RNF2: variants seen among roughly 807,000 people sequenced by gnomAD.
The protein encoded by RNF2 is E3 ubiquitin-protein ligase RING2.
In RNF2, 6 loss-of-function variants were observed where a neutral mutation model predicts 37.2. The observed-to-expected ratio is 0.16, with a 90% CI of 0.09 to 0.32. The LOEUF (loss-of-function observed/expected upper bound fraction) is 0.32. Among genes scored for constraint, RNF2 ranks in the 10% least tolerant of loss-of-function variants. The probability of loss-of-function intolerance (pLI) is 1.00; values close to 1 mark genes in which losing one functional copy is unlikely to be tolerated. For missense variants in RNF2, 251 were observed against 404.0 expected (o/e 0.62, Z 3.25); for synonymous variants, 133 against 132.7 (o/e 1.00, Z -0.02).
At chr1:185,078,009 G>A (rs1042945496) in intron 1 of RNF2, among the ~76,000 whole-genome samples, 1 of 152,330 alleles carries the variant, frequency 6.6e-6, no homozygotes, top group Non-Finnish European at 1.5e-5. Context: ...ACTTTGGGAG[G>A]CCAAGGCCAG....
At chr1:185,062,315 C>G (rs985627111) in intron 1 of RNF2, among the ~76,000 whole-genome samples, 9 of 152,112 alleles carry the variant, frequency 5.9e-5, no homozygotes, top group Admixed American at 1.3e-4. Flanking sequence ...GTGTATTAAG[C>G]TCATGTTTTA....
intron 1 of RNF2, among the ~76,000 whole-genome samples, chr1:185,073,521 T>C (rs1651049767): frequency 1.3e-5 from 2 of 152,218 alleles, no homozygotes; most frequent in Admixed American, 6.5e-5. Context: ...TTGGCATCTA[T>C]TTTTCAGATA....
At chr1:185,048,229 T>A (rs1311602235) in intron 1 of RNF2, among the ~76,000 whole-genome samples, 1 of 152,188 alleles carries the variant, frequency 6.6e-6, no homozygotes, top group Non-Finnish European at 1.5e-5. Context: ...TCCCTGACTA[T>A]AGGTGCTAAG....
At chr1:185,049,343 AGT>A (rs768929485) in intron 1 of RNF2, among the ~76,000 whole-genome samples, 2 of 152,170 alleles carry the variant, frequency 1.3e-5, no homozygotes, top group African/African-American at 2.4e-5. Flanking sequence ...AAAGGAGGTG[AGT>A]GTGTGTGTTT....
At chr1:185,076,270 T>G (rs1425376408) in intron 1 of RNF2, among the ~76,000 whole-genome samples, 63 of 25,210 alleles carry the variant, frequency 2.5e-3, no homozygotes, top group African/African-American at 0.013. Flanking sequence ...TATGGGTTGT[T>G]TTTTTTTTTT....
chr1:185,086,020 C>T (rs1651587362), intron 1 of RNF2, among the ~76,000 whole-genome samples: 1 of 152,128 alleles, frequency 6.6e-6, no homozygotes, highest in South Asian at 2.1e-4. Context: ...TTGCTTAGAA[C>T]CTGCTTTCTT....
chr1:185,062,593 A>G (rs1488511577), intron 1 of RNF2, among the ~76,000 whole-genome samples: 1 of 152,178 alleles, frequency 6.6e-6, no homozygotes, highest in African/African-American at 2.4e-5. Flanking sequence ...ATTTTAGAGT[A>G]TGGCTTCCAA....
rs1002721833 is a variant in RNF2 at position 185,101,758 on chromosome 1, G to A, written c.*1457G>A. ...GCTTGATGTTTTAAATCTTCAGCCC[G>A]GTATGAAAACTTAAAGGTATATATT... On this transcript the variant is annotated 3_prime_UTR_variant, in exon 7 of 7. Coordinates refer to ENST00000367510, the MANE Select transcript of RNF2 (RefSeq NM_007212.4). 2.6e-5 allele frequency: 4 copies of A among 151,026 alleles called. No individual in the cohort carries two copies. The highest frequency in any genetic ancestry group is 7.3e-5 in the African/African-American group (3 of 40,948). The allele number at this position is 151,026 out of a possible 1,614,324, so 9.4% of individuals were successfully genotyped here. A position where few individuals can be genotyped will look rare whatever the true frequency, so the allele number is the denominator to read the frequency against.
At chr1:185,096,765 T>TA (rs1478507570) in intron 4 of RNF2, among the ~76,000 whole-genome samples, 4 of 152,100 alleles carry the variant, frequency 2.6e-5, no homozygotes, top group African/African-American at 9.7e-5. Context: ...TTTTGAATCA[T>TA]AGTTTGTTAT....
chr1:185,070,155 A>C (rs919266945), intron 1 of RNF2, among the ~76,000 whole-genome samples: 1 of 152,222 alleles, frequency 6.6e-6, no homozygotes, highest in Non-Finnish European at 1.5e-5. Context: ...AGATGATATC[A>C]CCTAGTTTAT....
chr1:185,059,246 G>A (rs527908197), intron 1 of RNF2, among the ~76,000 whole-genome samples: 6 of 150,754 alleles, frequency 4.0e-5, no homozygotes, highest in South Asian at 2.1e-4. Context: ...AAAAACCTCC[G>A]TAATAGTTTT....
At chr1:185,050,354 C>T (rs1650238060) in intron 1 of RNF2, among the ~76,000 whole-genome samples, 1 of 152,236 alleles carries the variant, frequency 6.6e-6, no homozygotes, top group Non-Finnish European at 1.5e-5. Context: ...TCTTCTCTGC[C>T]TACCTAACTT....
intron 1 of RNF2, among the ~76,000 whole-genome samples, chr1:185,076,762 GTT>G (rs1420847793): frequency 6.6e-6 from 1 of 151,522 alleles, no homozygotes; most frequent in East Asian, 1.9e-4. Context: ...ATATTGATCT[GTT>G]TTTCTTTTTC....
At chr1:185,067,975 C>T (rs1292007512) in intron 1 of RNF2, among the ~76,000 whole-genome samples, 1 of 147,176 alleles carries the variant, frequency 6.8e-6, no homozygotes, top group African/African-American at 2.5e-5. Context: ...TTCCAAAGTG[C>T]TGGGATTACA....
At chr1:185,047,603 T>C (rs1650155539) in intron 1 of RNF2, among the ~76,000 whole-genome samples, 1 of 152,362 alleles carries the variant, frequency 6.6e-6, no homozygotes, top group South Asian at 2.1e-4. Context: ...GTTTCATTTC[T>C]ATACATTAGC....
intron 1 of RNF2, among the ~76,000 whole-genome samples, chr1:185,051,624 A>G (rs1385805334): frequency 6.6e-6 from 1 of 151,908 alleles, no homozygotes; most frequent in Non-Finnish European, 1.5e-5. Context: ...TTCTATATTT[A>G]AAAAAGTGTT....
intron 2 of RNF2, among the ~76,000 whole-genome samples, chr1:185,090,922 A>G (rs542086562): frequency 2.6e-4 from 40 of 152,362 alleles, no homozygotes; most frequent in African/African-American, 9.1e-4. Context: ...AGATATAGCA[A>G]TACATTTTAT....
chr1:185,047,342 T>C (rs1053937534), intron 1 of RNF2, among the ~76,000 whole-genome samples: 11 of 152,232 alleles, frequency 7.2e-5, no homozygotes, highest in South Asian at 4.1e-4. Flanking sequence ...ATGTAGACCA[T>C]GCAGACTTTC....
At chr1:185,097,314 G>A (rs937111141) in intron 4 of RNF2, among the ~76,000 whole-genome samples, 6 of 152,142 alleles carry the variant, frequency 3.9e-5, no homozygotes, top group Non-Finnish European at 7.4e-5. Context: ...ATTTTGTATC[G>A]CCTTAGCTGA....
Sources: gnomAD v4.1 joint callset for allele counts (sites outside exome capture counted in the v4.1 genomes callset) on GRCh38, gnomAD v4.1.1 for gene constraint, MANE v1.5 for transcripts, NCBI Gene and HGNC (gene_info 2026-07-23, HGNC 2026-07-21) for gene names.